The following DCUN1D1 variants were observed in gnomAD, a reference collection of about 807,000 sequenced individuals.
DCUN1D1 encodes the protein DCN1-like protein 1.
In DCUN1D1, 3 loss-of-function variants were observed where a neutral mutation model predicts 39.0. The observed-to-expected ratio is 0.08, with a 90% CI of 0.04 to 0.20. The LOEUF is 0.20. Ranked by LOEUF, DCUN1D1 falls within the 10% of genes least tolerant of loss-of-function variation. The probability of loss-of-function intolerance (pLI) is 1.00; values close to 1 mark genes in which losing one functional copy is unlikely to be tolerated. For missense variants in DCUN1D1, 158 were observed against 302.4 expected (o/e 0.52, Z 3.54); for synonymous variants, 82 against 96.3 (o/e 0.85, Z 0.87).
chr3:182,938,948 T>A lies in DCUN1D1; in HGVS notation c.*6146A>T, dbSNP rs1430083959. The A allele has an allele frequency of 6.6e-6, 1 of 152,526 alleles. No homozygotes were observed. The highest frequency in any genetic ancestry group is 2.4e-5 in the African/African-American group (1 of 41,454). The allele number at this position is 152,526 out of a possible 1,614,324, so 9.4% of individuals were successfully genotyped here. A position where few individuals can be genotyped will look rare whatever the true frequency, so the allele number is the denominator to read the frequency against. ...AAGCACCAGCCATCAGCACCACTCT[T>A]CGCTGACACATTTCTTCTCACCAGA... On this transcript the variant is annotated 3_prime_UTR_variant, in exon 7 of 7. Coordinates refer to ENST00000292782, the MANE Select transcript of DCUN1D1 (RefSeq NM_020640.4).
In DCUN1D1 at chr3:182,940,045, A is replaced by G. The variant is rs181592153; in HGVS notation, c.*5049T>C. The stretch of plus-strand genomic sequence containing the variant: ...CCCATCTCTAAATCTTACTGATTAA[A>G]TATTGCTCTTTTAGCTATAAGTCAT... On this transcript the variant is annotated 3_prime_UTR_variant, in exon 7 of 7. Coordinates refer to ENST00000292782, the MANE Select transcript of DCUN1D1 (RefSeq NM_020640.4). 1 of 152,314 alleles carries G rather than the reference A, an allele frequency of 6.6e-6. No individual in the cohort carries two copies. The highest frequency in any genetic ancestry group is 1.5e-5 in the Non-Finnish European group (1 of 68,028). The allele number at this position is 152,314 out of a possible 1,614,324, so 9.4% of individuals were successfully genotyped here. A position where few individuals can be genotyped will look rare whatever the true frequency, so the allele number is the denominator to read the frequency against.
chr3:182,980,572 G>GCTTGCCCGGCTCCCGC (rs1728495727), upstream of DCUN1D1: 1 of 1,167,850 alleles, frequency 8.6e-7, no homozygotes, highest in South Asian at 2.6e-5. Flanking sequence ...CCTCTCACGG[G>GCTTGCCCGGCTCCCGC]CTTGCCCGGC....
intron 1 of DCUN1D1, among the ~76,000 whole-genome samples, chr3:182,968,460 G>A (rs1423089878): frequency 6.6e-6 from 1 of 151,984 alleles, no homozygotes; most frequent in Non-Finnish European, 1.5e-5. Context: ...CAAAAAGTAA[G>A]ATAATAGAAG....
Position 182,963,924 on chromosome 3 carries a change from C to G in DCUN1D1, c.346G>C (p.Glu116Gln), listed in dbSNP as rs200558010. ...AWKFRAATQCEFSKQEFMDGM... is the reference protein window; with the variant it reads ...AWKFRAATQCQFSKQEFMDGM... ...TCCATGAACTCCTGTTTGGAGAACT[C>G]GCACTGTGTTGCTGCTCTGAACTTC... The change falls in exon 3 of 7, where the codon GAG (glutamate) becomes CAG (glutamine). Residue 116 changes from glutamate (E) to glutamine (Q), a missense_variant. Glu to Gln is a conservative substitution (Grantham distance 29). This residue lies in a region of DCUN1D1 where 107 missense variants were observed against 174.7 expected (regional missense o/e 0.61). Coordinates refer to ENST00000292782, the MANE Select transcript of DCUN1D1 (RefSeq NM_020640.4). 5.6e-6 allele frequency: 9 copies of G among 1,613,312 alleles called. No homozygotes were observed. The highest frequency in any genetic ancestry group is 7.6e-6 in the Non-Finnish European group (9 of 1,179,480).
intron 1 of DCUN1D1, among the ~76,000 whole-genome samples, chr3:182,975,917 T>C (rs1728214947): frequency 1.3e-5 from 2 of 149,926 alleles, no homozygotes; most frequent in Admixed American, 6.6e-5. Flanking sequence ...TGGAGATTAA[T>C]GACAATTGTA....
chr3:182,961,347 G>A lies in DCUN1D1; in HGVS notation c.399C>T (p.Ser133=). ...GTATCTGGGCCTTTAGTTTTTCTAT[G>A]CTGTCACATCTGCGTCGTAAAATTA... is the stretch of plus-strand genomic sequence containing the variant. The part of the protein sequence containing the change: ...MDGMTELGCD[S]IEKLKAQIPK... The change falls in exon 4 of 7, where the codon AGC becomes AGT. Residue 133 remains serine (S), a synonymous_variant. Coordinates refer to ENST00000292782, the MANE Select transcript of DCUN1D1 (RefSeq NM_020640.4). The A allele has an allele frequency of 6.3e-7, 1 of 1,596,662 alleles. No homozygotes were observed. The highest frequency in any genetic ancestry group is 1.8e-5 in the Admixed American group (1 of 56,182).
chr3:182,984,249 TA>T (rs1375357691), upstream of DCUN1D1, among the ~76,000 whole-genome samples: 3 of 152,248 alleles, frequency 2.0e-5, no homozygotes, highest in African/African-American at 7.2e-5. Context: ...TCCATTACTG[TA>T]CTTCCTGGCT....
intron 3 of DCUN1D1, among the ~76,000 whole-genome samples, chr3:182,962,253 G>A (rs1009662430): frequency 2.0e-5 from 3 of 152,198 alleles, no homozygotes; most frequent in African/African-American, 7.2e-5. Context: ...AGGACATAGT[G>A]TCCAGGCCAG....
intron 4 of DCUN1D1, 102 bp from the exon 5 acceptor site, chr3:182,947,734 A>C (rs1389406702): frequency 1.4e-6 from 1 of 696,840 alleles, no homozygotes; most frequent in Non-Finnish European, 2.4e-6. Context: ...AGAAAGTCTA[A>C]AAATAAAAAA....
chr3:182,952,156 CCT>C (rs993661370), intron 4 of DCUN1D1, among the ~76,000 whole-genome samples: 3 of 152,172 alleles, frequency 2.0e-5, no homozygotes, highest in African/African-American at 7.2e-5. Context: ...ACTCTTATGT[CCT>C]CTCTGCCTTA....
upstream of DCUN1D1, among the ~76,000 whole-genome samples, chr3:182,984,028 ATTC>A (rs1728647763): frequency 6.6e-6 from 1 of 152,250 alleles, no homozygotes; most frequent in Admixed American, 6.5e-5. Flanking sequence ...TGGTTGCACA[ATTC>A]TTTGAGTTTT....
chr3:182,981,350 C>T (rs1460070866), upstream of DCUN1D1, among the ~76,000 whole-genome samples: 4 of 152,284 alleles, frequency 2.6e-5, no homozygotes, highest in South Asian at 8.3e-4. Flanking sequence ...CACTGAGGGT[C>T]TAGTCACGCA....
At chr3:182,946,617 A>G (rs1726421395) in intron 6 of DCUN1D1, among the ~76,000 whole-genome samples, 1 of 151,974 alleles carries the variant, frequency 6.6e-6, no homozygotes, top group African/African-American at 2.4e-5. Flanking sequence ...AGCTTATACA[A>G]AAGACTAACA....
At chr3:182,976,444 T>TACACACACACACACACACACACACAC (rs59465164) in intron 1 of DCUN1D1, among the ~76,000 whole-genome samples, 2 of 140,770 alleles carry the variant, frequency 1.4e-5, no homozygotes, top group African/African-American at 5.4e-5. Context: ...TATACATACA[T>TACACACACACACACACACACACACAC]ACACACACAC....
intron 1 of DCUN1D1, chr3:182,980,245 C>T (rs1479732259): frequency 3.3e-6 from 1 of 298,674 alleles, no homozygotes; most frequent in Non-Finnish European, 5.0e-6. Flanking sequence ...CCCGGGGCTC[C>T]CGACTAGGCC....
intron 1 of DCUN1D1, among the ~76,000 whole-genome samples, chr3:182,978,681 G>A (rs541313528): frequency 2.4e-4 from 37 of 152,168 alleles, no homozygotes; most frequent in Middle Eastern, 3.2e-3. Flanking sequence ...AGCCCCTACG[G>A]TGAGTTAGCT....
At chr3:182,949,223 C>T (rs1166823417) in intron 4 of DCUN1D1, among the ~76,000 whole-genome samples, 3 of 151,684 alleles carry the variant, frequency 2.0e-5, no homozygotes, top group Admixed American at 2.0e-4. Flanking sequence ...ATTAGCTGGG[C>T]GTGGTAGCAG....
At chr3:182,965,356 G>C (rs1352373210) in intron 2 of DCUN1D1, among the ~76,000 whole-genome samples, 181 bp downstream of exon 2, 2 of 152,074 alleles carry the variant, frequency 1.3e-5, no homozygotes, top group East Asian at 3.9e-4. Flanking sequence ...AGGCCAAGAA[G>C]AAATTTTAGT....
chr3:182,961,390 CTG>C, intron 3 of DCUN1D1, 34 bp from the exon 4 acceptor site: 2 of 1,533,608 alleles, frequency 1.3e-6, no homozygotes, highest in Non-Finnish European at 1.8e-6. Context: ...AAAAGATTAA[CTG>C]TTTCACTATA....
Sources: gnomAD v4.1 joint callset for allele counts (sites outside exome capture counted in the v4.1 genomes callset) on GRCh38, gnomAD v4.1.1 for gene constraint, gnomAD v4.1.1 regional missense constraint, MANE v1.5 for transcripts, NCBI Gene and HGNC (gene_info 2026-07-23, HGNC 2026-07-21) for gene names.